CAVIN4: variants seen among roughly 807,000 people sequenced by gnomAD.
The protein encoded by CAVIN4 is caveolae associated protein 4.
CAVIN4 carries 10 observed loss-of-function variants against 18.6 expected under a neutral mutation model. That is an observed-to-expected ratio of 0.54 (90% confidence interval 0.33 to 0.91). CAVIN4 has a LOEUF of 0.91. CAVIN4 is among the 40% of genes least tolerant of loss of function. CAVIN4 has a pLI of 0.02. For synonymous variants in CAVIN4, 173 were observed against 164.8 expected (o/e 1.05, Z -0.38); for missense variants, 459 against 440.5 (o/e 1.04, Z -0.38).
Position 100,588,262 on chromosome 9 carries a change from G to A in CAVIN4, c.*1811G>A, listed in dbSNP as rs1189351142. On this transcript the variant is annotated 3_prime_UTR_variant, in exon 2 of 2. Coordinates refer to ENST00000307584, the MANE Select transcript of CAVIN4 (RefSeq NM_001018116.2). ...TTACCTTTTTATATTGAAAACTAAA[G>A]TGTATACAACATTGGATAACACTTT... is the stretch of plus-strand genomic sequence containing the variant. 6.6e-6 allele frequency among the ~76,000 whole-genome samples: 1 copy of A among 152,096 alleles called. No homozygotes were observed. The highest frequency in any genetic ancestry group is 2.4e-5 in the African/African-American group (1 of 41,438).
chr9:100,579,359 A>ATTTT (rs1387410973), intron 1 of CAVIN4, among the ~76,000 whole-genome samples: 1 of 152,230 alleles, frequency 6.6e-6, no homozygotes, highest in Non-Finnish European at 1.5e-5. Context: ...AAAATTGAAC[A>ATTTT]TTCCTTCACA....
intron 1 of CAVIN4, among the ~76,000 whole-genome samples, chr9:100,580,548 C>T (rs1416332748): frequency 6.6e-6 from 1 of 152,174 alleles, no homozygotes; most frequent in Non-Finnish European, 1.5e-5. Context: ...AAAGCAAGAG[C>T]AAAGAAGTTT....
chr9:100,584,294 G>C (rs1027020716), intron 1 of CAVIN4, among the ~76,000 whole-genome samples: 11 of 152,056 alleles, frequency 7.2e-5, no homozygotes, highest in African/African-American at 2.7e-4. Context: ...TTACTTGTTT[G>C]TCCCTCTCCG....
chr9:100,578,139 A>G lies in CAVIN4; in HGVS notation c.-5A>G, dbSNP rs1413647993. On this transcript the variant is annotated 5_prime_UTR_variant, in exon 1 of 2. Transcript: ENST00000307584. The stretch of plus-strand genomic sequence containing the variant: ...TAGGACATCTTACGCTGAGAAATAA[A>G]TAAAATGGAACATAATGGGTCTGCT... The G allele has an allele frequency of 6.2e-6, 10 of 1,613,610 alleles. No individual in the cohort carries two copies. The highest frequency in any genetic ancestry group is 7.6e-6 in the Non-Finnish European group (9 of 1,179,838).
chr9:100,585,890 T>C lies in CAVIN4; in HGVS notation c.534T>C (p.Tyr178=), dbSNP rs1280413789. 1 of 1,614,186 alleles carries C rather than the reference T, an allele frequency of 6.2e-7. No homozygotes were observed. The highest frequency in any genetic ancestry group is 8.5e-7 in the Non-Finnish European group (1 of 1,180,032). Residue 178 remains tyrosine, a synonymous_variant, in exon 2 of 2, where the codon TAT becomes TAC. Coordinates refer to ENST00000307584, the MANE Select transcript of CAVIN4 (RefSeq NM_001018116.2). ...ATCTGTCTTCGGATGAAGAATATTATGTTGAAGAAAGCAGATCTGCCAGGC... is the reference window on the plus strand; with the variant it reads ...ATCTGTCTTCGGATGAAGAATATTACGTTGAAGAAAGCAGATCTGCCAGGC... ...PVDLSSDEEY[Y]VEESRSARLR...
At chr9:100,583,513 C>G (rs776477688) in intron 1 of CAVIN4, among the ~76,000 whole-genome samples, 10 of 152,152 alleles carry the variant, frequency 6.6e-5, no homozygotes, top group African/African-American at 2.4e-4. Flanking sequence ...GTGTTCTCCA[C>G]CTGTTCTCCC....
Position 100,578,082 on chromosome 9 carries a change from T to G in CAVIN4, c.-62T>G. On this transcript the variant is annotated 5_prime_UTR_variant, in exon 1 of 2. Transcript: ENST00000307584. ...CCCTGTTGCCTGTTATCAAGCTGAC[T>G]TTTTGCTCCAAGTGCCAGAATTGAT... 6.3e-7 allele frequency: 1 copy of G among 1,585,760 alleles called. No individual in the cohort carries two copies. The highest frequency in any genetic ancestry group is 1.7e-5 in the Admixed American group (1 of 59,880).
chr9:100,581,013 A>T (rs1839420362), intron 1 of CAVIN4: 1 of 152,228 alleles, frequency 6.6e-6, no homozygotes, highest in Admixed American at 6.5e-5. Flanking sequence ...CTTGAAACCA[A>T]GCAATTCAGC....
At chr9:100,582,902 C>T (rs915382036) in intron 1 of CAVIN4, among the ~76,000 whole-genome samples, 1 of 152,150 alleles carries the variant, frequency 6.6e-6, no homozygotes, top group Non-Finnish European at 1.5e-5. Context: ...CTATTTCTAG[C>T]TTTTATCCCA....
In CAVIN4 at chr9:100,578,390, G is replaced by C; in HGVS notation, c.247G>C (p.Gly83Arg). 6.2e-7 allele frequency: 1 copy of C among 1,614,112 alleles called. No individual in the cohort carries two copies. The highest frequency in any genetic ancestry group is 8.5e-7 in the Non-Finnish European group (1 of 1,180,000). Residue 83 changes from glycine to arginine, a missense_variant, in exon 1 of 2, where the codon GGG becomes CGG. Transcript: ENST00000307584. ...GCTTTCACAGTCGCATAGCAATACAGGGCATATCATTAACAAATTGTTTGA... is the reference window on the plus strand; with the variant it reads ...GCTTTCACAGTCGCATAGCAATACACGGCATATCATTAACAAATTGTTTGA... Reference protein sequence around the residue: ...LKLSQSHSNTGHIINKLFEKT... With the variant: ...LKLSQSHSNTRHIINKLFEKT...
At chr9:100,577,952 C>T (rs1039099691), upstream of CAVIN4, 21 of 564,738 alleles carry the variant, frequency 3.7e-5, no homozygotes, top group East Asian at 2.8e-4. Context: ...GAACAGTCCC[C>T]GGTGCTTTGC....
chr9:100,579,254 C>T (rs562071653), intron 1 of CAVIN4, among the ~76,000 whole-genome samples: 7 of 152,122 alleles, frequency 4.6e-5, no homozygotes, highest in Non-Finnish European at 7.4e-5. Flanking sequence ...TATTATTCTG[C>T]GCTTGGCACT....
chr9:100,577,060 C>T (rs1204155381), upstream of CAVIN4: 2 of 154,240 alleles, frequency 1.3e-5, no homozygotes, highest in African/African-American at 4.8e-5. Context: ...ATTTTTTAGA[C>T]ACTGCCTATC....
rs146549670 is a variant in CAVIN4 at position 100,586,070 on chromosome 9, A to G, written c.714A>G (p.Gly238=). 1 of 1,603,656 alleles carries G rather than the reference A, an allele frequency of 6.2e-7. No individual in the cohort carries two copies. Among genetic ancestry groups the G allele is most frequent in the Non-Finnish European group, 8.5e-7 (1 of 1,170,656 alleles). ...GGAGAGAGAGGCTAAGGCAGTCAGG[A>G]GAGAGGCTGAGACAGTCAGGGGAGA... ...PERRERLRQS[G]ERLRQSGERL... is the part of the protein sequence containing the mutation. The change falls in exon 2 of 2, where the codon GGA becomes GGG. Residue 238 remains glycine (G), a synonymous_variant. Coordinates refer to ENST00000307584, the MANE Select transcript of CAVIN4 (RefSeq NM_001018116.2).
In CAVIN4 at chr9:100,578,347, C is replaced by T; in HGVS notation, c.204C>T (p.Val68=). ...HREMENAIKS[V]QIDLLKLSQS... ...AAATGGAAAATGCCATAAAATCCGT[C>T]CAGATTGACCTGTTGAAGCTTTCAC... Residue 68 remains valine, a synonymous_variant, in exon 1 of 2, where the codon GTC becomes GTT. Transcript: ENST00000307584. 6.2e-7 allele frequency: 1 copy of T among 1,614,028 alleles called. No individual in the cohort carries two copies. The highest frequency in any genetic ancestry group is 8.5e-7 in the Non-Finnish European group (1 of 1,179,976).
chr9:100,576,900 A>G (rs946944136), upstream of CAVIN4: 3 of 214,952 alleles, frequency 1.4e-5, no homozygotes, highest in Non-Finnish European at 1.9e-5. Context: ...ATGGTTATAA[A>G]GTCATATCCA....
chr9:100,580,558 T>G (rs1055596587), intron 1 of CAVIN4, among the ~76,000 whole-genome samples: 16 of 152,276 alleles, frequency 1.1e-4, no homozygotes, highest in Non-Finnish European at 2.1e-4. Context: ...CAAAGAAGTT[T>G]CTGAAAAGTT....
intron 1 of CAVIN4, among the ~76,000 whole-genome samples, chr9:100,578,964 G>C (rs374847895): frequency 6.6e-6 from 1 of 152,156 alleles, no homozygotes; most frequent in South Asian, 2.1e-4. Context: ...CTGACAACCA[G>C]TAGCAGTGGT....
chr9:100,579,209 T>C (rs1041905662), intron 1 of CAVIN4, among the ~76,000 whole-genome samples: 1 of 152,224 alleles, frequency 6.6e-6, no homozygotes, highest in South Asian at 2.1e-4. Flanking sequence ...ATATAATATT[T>C]TGTGTGTGGC....
Sources: allele counts gnomAD v4.1 joint callset (sites outside exome capture counted in the v4.1 genomes callset), GRCh38; gene constraint gnomAD v4.1.1; transcripts MANE v1.5; gene names NCBI Gene and HGNC (gene_info 2026-07-23, HGNC 2026-07-21).